NEBL: variants seen among roughly 807,000 people sequenced by gnomAD.
NEBL encodes nebulette.
A neutral mutation model predicts 140.2 loss-of-function variants in NEBL; 122 were observed. That is an observed-to-expected ratio of 0.87 (90% CI 0.75 to 1.01). The LOEUF (loss-of-function observed/expected upper bound fraction) is 1.01. NEBL is among the 50% of genes least tolerant of loss of function. The pLI, the probability that NEBL is intolerant of heterozygous loss-of-function variation, is 0.00. For missense variants in NEBL, 1,365 were observed against 1,231.3 expected (o/e 1.11, Z -1.62); for synonymous variants, 436 against 398.9 (o/e 1.09, Z -1.11).
At chr10:20,889,555 T>C (rs1415092723) in intron 3 of NEBL, among the ~76,000 whole-genome samples, 1 of 152,186 alleles carries the variant, frequency 6.6e-6, no homozygotes, top group Non-Finnish European at 1.5e-5. Context: ...CCAGTGCTTT[T>C]ACTTATTTAA....
At chr10:21,188,017 G>C (rs970622231) in intron 3 of NEBL, among the ~76,000 whole-genome samples, 1 of 151,980 alleles carries the variant, frequency 6.6e-6, no homozygotes, top group Non-Finnish European at 1.5e-5. Context: ...TTGTCTTCAC[G>C]GAGCCTTCAT....
chr10:20,874,379 CG>C (rs1263750257), intron 5 of NEBL, among the ~76,000 whole-genome samples: 2 of 152,190 alleles, frequency 1.3e-5, no homozygotes, highest in Non-Finnish European at 2.9e-5. Flanking sequence ...CGGACAGACA[CG>C]TAACCCAACC....
At chr10:21,200,097 T>G (rs1028549755) in intron 3 of NEBL, among the ~76,000 whole-genome samples, 2 of 151,976 alleles carry the variant, frequency 1.3e-5, no homozygotes, top group Non-Finnish European at 2.9e-5. Context: ...CAGCTGCAAC[T>G]TAATGGTGTT....
intron 5 of NEBL, among the ~76,000 whole-genome samples, chr10:20,877,792 A>G (rs563888741): frequency 3.9e-5 from 6 of 152,272 alleles, no homozygotes; most frequent in South Asian, 2.1e-4. Context: ...TGTGGGCCCT[A>G]TGTAAATCAG....
intron 14 of NEBL, among the ~76,000 whole-genome samples, chr10:20,832,769 TCA>T (rs1056308620): frequency 6.6e-6 from 1 of 152,214 alleles, no homozygotes; most frequent in African/African-American, 2.4e-5. Context: ...AACAAAAATC[TCA>T]GTCTTGGAGT....
chr10:21,034,827 GGTACATGT>G (rs1833949498), intron 2 of NEBL, among the ~76,000 whole-genome samples: 1 of 151,902 alleles, frequency 6.6e-6, no homozygotes, highest in Admixed American at 6.6e-5. Context: ...TAAGTTCCAG[GGTACATGT>G]GCAGGATGTG....
chr10:21,162,470 A>T (rs775744110), intron 2 of NEBL, among the ~76,000 whole-genome samples: 4 of 152,236 alleles, frequency 2.6e-5, no homozygotes, highest in Non-Finnish European at 5.9e-5. Context: ...TCATTTGCAG[A>T]GTTGATGCTA....
At chr10:21,129,875 G>A (rs1475845035) in intron 2 of NEBL, among the ~76,000 whole-genome samples, 1 of 151,814 alleles carries the variant, frequency 6.6e-6, no homozygotes, top group African/African-American at 2.4e-5. Context: ...TAATAAATAC[G>A]GCAGATATTA....
intron 3 of NEBL, among the ~76,000 whole-genome samples, chr10:21,206,216 A>G (rs902800085): frequency 2.0e-5 from 3 of 152,234 alleles, no homozygotes; most frequent in Non-Finnish European, 2.9e-5. Flanking sequence ...TAGCAGGAAC[A>G]CTTTTAAATC....
intron 5 of NEBL, among the ~76,000 whole-genome samples, chr10:20,875,037 C>T (rs368247886): frequency 3.3e-5 from 5 of 152,210 alleles, no homozygotes; most frequent in African/African-American, 4.8e-5. Flanking sequence ...CTGCACCCAG[C>T]CTCACATTTT....
rs146446159 is a variant in NEBL at position 21,251,532 on chromosome 10, G to C, written n.279+200C>G. On this transcript the variant is annotated intron_variant and non_coding_transcript_variant, in intron 2 of 8. Coordinates refer to the NEBL transcript ENST00000675702. Reference sequence around the variant, plus strand: ...TGAATGTAACCTTATTAGGAAATAAGGTCTCTGCAGATGTCCCTTCTCCAA... The same window carrying C: ...TGAATGTAACCTTATTAGGAAATAACGTCTCTGCAGATGTCCCTTCTCCAA... 5.3e-3 allele frequency among the ~76,000 whole-genome samples: 804 copies of C among 152,258 alleles called. 3 individuals carry two copies. Among genetic ancestry groups the C allele is most frequent in the Non-Finnish European group, 8.0e-3 (544 of 68,008 alleles).
chr10:21,109,210 G>C (rs745968143), intron 2 of NEBL, among the ~76,000 whole-genome samples: 2 of 152,062 alleles, frequency 1.3e-5, no homozygotes. Flanking sequence ...TAGCATGAAG[G>C]GCTGTTGAAT....
At chr10:21,187,535 A>G (rs1024805062) in intron 3 of NEBL, among the ~76,000 whole-genome samples, 1 of 151,432 alleles carries the variant, frequency 6.6e-6, no homozygotes, top group African/African-American at 2.4e-5. Context: ...TATTGTTATT[A>G]CTAAGGTCAG....
At chr10:21,175,358 G>T (rs897617660), upstream of NEBL, among the ~76,000 whole-genome samples, 2 of 152,174 alleles carry the variant, frequency 1.3e-5, no homozygotes, top group African/African-American at 4.8e-5. Context: ...TGGCTCAAGG[G>T]AAGCTCCACG....
chr10:20,980,727 T>C (rs1837005099), intron 3 of NEBL, among the ~76,000 whole-genome samples: 1 of 152,222 alleles, frequency 6.6e-6, no homozygotes, highest in Non-Finnish European at 1.5e-5. Context: ...ACTTAGCAGG[T>C]TGATCACTAT....
chr10:20,882,112 A>G (rs958876146), intron 4 of NEBL, among the ~76,000 whole-genome samples: 2 of 152,124 alleles, frequency 1.3e-5, no homozygotes, highest in East Asian at 3.9e-4. Flanking sequence ...CAGGAGGTCG[A>G]GGCTGCAGTG....
chr10:20,918,637 A>G (rs1428523855), intron 4 of NEBL, among the ~76,000 whole-genome samples: 2 of 151,982 alleles, frequency 1.3e-5, no homozygotes, highest in Non-Finnish European at 2.9e-5. Context: ...GATCAAGGTC[A>G]GGAGATCGAG....
intron 2 of NEBL, among the ~76,000 whole-genome samples, chr10:21,074,120 C>G (rs938412426): frequency 2.0e-5 from 3 of 152,076 alleles, no homozygotes; most frequent in Non-Finnish European, 4.4e-5. Flanking sequence ...TGCTTTTATG[C>G]CAAGCCACAT....
rs552152533 is a variant in NEBL, at chr10:20,791,299, G to T, written c.2762-3991C>A. On this transcript the variant is annotated intron_variant, in intron 26 of 27. Coordinates refer to ENST00000377122, the MANE Select transcript of NEBL (RefSeq NM_006393.3). ...ACAGATAGGCTATTTTCTGCTTAATGGTTATTATTAAAATGGAAAGAGATA... is the reference window on the plus strand; with the variant it reads ...ACAGATAGGCTATTTTCTGCTTAATTGTTATTATTAAAATGGAAAGAGATA... 9.2e-5 allele frequency among the ~76,000 whole-genome samples: 14 copies of T among 152,286 alleles called. No individual in the cohort carries two copies. In the South Asian group the frequency reaches 2.9e-3, roughly 32 times the overall value.
Sources: gnomAD v4.1 joint callset for allele counts (sites outside exome capture counted in the v4.1 genomes callset) on GRCh38, gnomAD v4.1.1 for gene constraint, MANE v1.5 for transcripts, NCBI Gene and HGNC (gene_info 2026-07-23, HGNC 2026-07-21) for gene names.